Variants in STAM2 observed in about 807,000 individuals in gnomAD.
STAM2 encodes the protein signal transducing adapter molecule 2.
In STAM2, 51 loss-of-function variants were observed where a neutral mutation model predicts 65.6. That is an observed-to-expected ratio of 0.78 (90% CI 0.62 to 0.98). The LOEUF is 0.98. Ranked by LOEUF, STAM2 falls within the 50% of genes least tolerant of loss-of-function variation. The pLI is 0.00. For missense variants in STAM2, 584 were observed against 617.8 expected (o/e 0.95, Z 0.58); for synonymous variants, 198 against 208.4 (o/e 0.95, Z 0.43).
chr2:152,124,923 G>C (rs1214880350), intron 12 of STAM2, among the ~76,000 whole-genome samples: 1 of 152,170 alleles, frequency 6.6e-6, no homozygotes, highest in Non-Finnish European at 1.5e-5. Context: ...TGTCAAATTA[G>C]AATAGAAACT....
At chr2:152,130,864 G>A (rs1452242122) in intron 11 of STAM2, among the ~76,000 whole-genome samples, 2 of 151,364 alleles carry the variant, frequency 1.3e-5, no homozygotes, top group Non-Finnish European at 2.9e-5. Flanking sequence ...GGGCATGGTG[G>A]CAGGCACCTG....
At chr2:152,156,441 G>A (rs1689547905) in intron 1 of STAM2, among the ~76,000 whole-genome samples, 1 of 152,038 alleles carries the variant, frequency 6.6e-6, no homozygotes, top group African/African-American at 2.4e-5. Flanking sequence ...ATGTCACTTT[G>A]CCCAATGTTG....
intron 9 of STAM2, 56 bp downstream of exon 9, chr2:152,133,342 CAAAG>C (rs1226913706): frequency 6.5e-7 from 1 of 1,547,408 alleles, no homozygotes; most frequent in East Asian, 2.2e-5. Flanking sequence ...CAAGCATTCT[CAAAG>C]ATAGTACATT....
At chr2:152,152,374 C>T (rs1232036107) in intron 1 of STAM2, among the ~76,000 whole-genome samples, 1 of 151,838 alleles carries the variant, frequency 6.6e-6, no homozygotes. Flanking sequence ...ACGGTGAAAC[C>T]CCATCACTAC....
intron 7 of STAM2, among the ~76,000 whole-genome samples, chr2:152,140,330 C>A (rs577086401): frequency 6.6e-6 from 1 of 152,224 alleles, no homozygotes; most frequent in East Asian, 1.9e-4. Context: ...AAACAAGGCA[C>A]GAACAAACAA....
rs760360637 is a variant in STAM2, at chr2:152,175,651, C to T, written c.-9G>A. On this transcript the variant is annotated 5_prime_UTR_variant, in exon 1 of 14. Coordinates refer to ENST00000263904, the MANE Select transcript of STAM2 (RefSeq NM_005843.6). The stretch of plus-strand genomic sequence containing the variant: ...GCGGTGAACAAAGGCATCTCGCCGG[C>T]GCCCGAGCCCTAGTCGCTGCTGTCT... 1 of 1,611,342 alleles carries T rather than the reference C, an allele frequency of 6.2e-7. No homozygotes were observed. Among genetic ancestry groups the T allele is most frequent in the Non-Finnish European group, 8.5e-7 (1 of 1,178,938 alleles).
chr2:152,153,959 G>C (rs1166215494), intron 1 of STAM2, among the ~76,000 whole-genome samples: 2 of 150,044 alleles, frequency 1.3e-5, no homozygotes, highest in Non-Finnish European at 3.0e-5. Flanking sequence ...AAATAAAATA[G>C]TATAAGGTGT....
At chr2:152,137,899 C>G (rs1357918003) in intron 7 of STAM2, among the ~76,000 whole-genome samples, 3 of 152,070 alleles carry the variant, frequency 2.0e-5, no homozygotes, top group African/African-American at 7.2e-5. Flanking sequence ...TTATAATACC[C>G]TACCTTTCAA....
chr2:152,175,698 A>G lies in STAM2; in HGVS notation c.-56T>C, dbSNP rs1392553009. ...GTCTAGCTGACACTCAGCAACTGCTACCCGCCGGGTGACCCGCGGCCGCGG... is the reference window on the plus strand; with the variant it reads ...GTCTAGCTGACACTCAGCAACTGCTGCCCGCCGGGTGACCCGCGGCCGCGG... On this transcript the variant is annotated 5_prime_UTR_variant, in exon 1 of 14. Transcript: ENST00000263904. The G allele has an allele frequency of 4.5e-6, 7 of 1,570,184 alleles. No individual in the cohort carries two copies. The highest frequency in any genetic ancestry group is 6.0e-6 in the Non-Finnish European group (7 of 1,158,102).
At chr2:152,166,533 A>C (rs1689789204) in intron 1 of STAM2, among the ~76,000 whole-genome samples, 1 of 152,312 alleles carries the variant, frequency 6.6e-6, no homozygotes, top group East Asian at 1.9e-4. Flanking sequence ...CCACTTCAGA[A>C]TGTCAATAAT....
At chr2:152,122,641 G>C (rs1223183890) in intron 13 of STAM2, among the ~76,000 whole-genome samples, 5 of 152,112 alleles carry the variant, frequency 3.3e-5, no homozygotes, top group African/African-American at 1.2e-4. Flanking sequence ...CATGGAGTTT[G>C]AGGGTGAGAA....
Position 152,133,237 on chromosome 2 carries a change from C to G in STAM2, c.906G>C (p.Gln302His). Residue 302 changes from glutamine (Q) to histidine (H), a missense_variant, in exon 10 of 14, where the codon CAG becomes CAC. By Grantham distance (24) the Gln-to-His change is conservative. Coordinates refer to ENST00000263904, the MANE Select transcript of STAM2 (RefSeq NM_005843.6). ...IDEDKMDRAL[Q>H]VLQSIDPTDS... Reference sequence around the variant, plus strand: ...CTGTTGGATCTATACTCTGAAGTACCTGCAGGGCTCTATCCATCTTATCCT... The same window carrying G: ...CTGTTGGATCTATACTCTGAAGTACGTGCAGGGCTCTATCCATCTTATCCT... 1 of 1,610,360 alleles carries G rather than the reference C, an allele frequency of 6.2e-7. No homozygotes were observed. The highest frequency in any genetic ancestry group is 8.5e-7 in the Non-Finnish European group (1 of 1,178,448).
intron 1 of STAM2, among the ~76,000 whole-genome samples, chr2:152,173,292 C>T (rs900243263): frequency 2.0e-5 from 3 of 150,094 alleles, no homozygotes; most frequent in African/African-American, 7.4e-5. Flanking sequence ...AGTAACATTT[C>T]CTGTAGACAT....
chr2:152,143,429 T>C (rs528246275), intron 7 of STAM2, among the ~76,000 whole-genome samples: 40 of 152,326 alleles, frequency 2.6e-4, no homozygotes, highest in South Asian at 1.4e-3. Flanking sequence ...AGATTAAGAA[T>C]TGGGGAGGAG....
At chr2:152,127,590 T>A (rs1459510499) in intron 11 of STAM2, among the ~76,000 whole-genome samples, 3 of 150,478 alleles carry the variant, frequency 2.0e-5, no homozygotes, top group Non-Finnish European at 4.4e-5. Flanking sequence ...TCCATGAAAG[T>A]GTCAACTGAA....
intron 11 of STAM2, among the ~76,000 whole-genome samples, chr2:152,128,025 T>C (rs1461084399): frequency 6.6e-6 from 1 of 152,200 alleles, no homozygotes; most frequent in African/African-American, 2.4e-5. Flanking sequence ...ACTTTTCCTC[T>C]ACTAGAGTCT....
intron 10 of STAM2, among the ~76,000 whole-genome samples, chr2:152,132,757 A>T (rs1282698965): frequency 6.7e-6 from 1 of 149,782 alleles, no homozygotes; most frequent in Non-Finnish European, 1.5e-5. Context: ...CTTAGAGACT[A>T]AAAGACACAT....
At position 152,175,693 on chromosome 2, in the gene STAM2, C is replaced by G. The variant is rs772164146; in HGVS notation, c.-51G>C. 6.3e-6 allele frequency: 10 copies of G among 1,580,264 alleles called. No individual in the cohort carries two copies. The South Asian group carries it at 1.0e-4, about 16-fold the overall frequency. ...CTGCTGTCTAGCTGACACTCAGCAA[C>G]TGCTACCCGCCGGGTGACCCGCGGC... is the stretch of plus-strand genomic sequence containing the variant. On this transcript the variant is annotated 5_prime_UTR_variant, in exon 1 of 14. Coordinates refer to ENST00000263904, the MANE Select transcript of STAM2 (RefSeq NM_005843.6).
chr2:152,148,403 C>T (rs989125113), intron 2 of STAM2, 103 bp from the exon 3 acceptor site: 8 of 939,260 alleles, frequency 8.5e-6, no homozygotes, highest in Non-Finnish European at 1.3e-5. Context: ...TATTTAATGG[C>T]TCATGCCTGT....
Sources: allele counts gnomAD v4.1 joint callset (sites outside exome capture counted in the v4.1 genomes callset), GRCh38; gene constraint gnomAD v4.1.1; transcripts MANE v1.5; gene names NCBI Gene and HGNC (gene_info 2026-07-23, HGNC 2026-07-21).